PKD1L3: variants seen among roughly 807,000 people sequenced by gnomAD.
PKD1L3 encodes polycystin 1 like 3, transient receptor potential channel interacting, also known as polycystin-1-like protein 3.
PKD1L3 carries 239 observed loss-of-function variants against 184.1 expected under a neutral mutation model. The observed-to-expected ratio is 1.30, with a 90% CI of 1.17 to 1.45. The LOEUF is 1.45. PKD1L3 is among the 40% of genes most tolerant of loss of function. PKD1L3 has a pLI of 0.00. For synonymous variants in PKD1L3, 996 were observed against 778.8 expected, an observed-to-expected ratio of 1.28 and a Z score of -4.64; for missense variants, 2,660 against 2,067.2, an observed-to-expected ratio of 1.29 and a Z score of -5.56.
At chr16:71,954,388 G>T in intron 16 of PKD1L3, 87 bp from the exon 17 acceptor site, 2 of 1,041,394 alleles carry the variant, frequency 1.9e-6, no homozygotes, top group East Asian at 5.5e-5. Flanking sequence ...AGCAACAAGC[G>T]ACATAGCAAC....
At chr16:71,977,603 G>C (rs1400820198) in intron 10 of PKD1L3, 136 bp from the exon 11 acceptor site, 4 of 661,046 alleles carry the variant, frequency 6.1e-6, no homozygotes, top group African/African-American at 3.8e-5. Flanking sequence ...TGCTATGTTG[G>C]CCACGTTGGT....
intron 16 of PKD1L3, among the ~76,000 whole-genome samples, chr16:71,957,208 T>C (rs568410250): frequency 8.4e-4 from 128 of 152,272 alleles, no homozygotes; most frequent in African/African-American, 2.9e-3. Context: ...TGATGTCCTC[T>C]GGGAGATTCT....
intron 14 of PKD1L3, 51 bp downstream of exon 14, chr16:71,967,855 C>G: frequency 1.4e-6 from 2 of 1,435,576 alleles, no homozygotes; most frequent in Non-Finnish European, 1.9e-6. Flanking sequence ...CAGAGTGTGT[C>G]TCATGTGGCA....
chr16:71,980,264 G>A (rs2040098426), intron 7 of PKD1L3, 130 bp from the exon 8 acceptor site: 8 of 1,234,738 alleles, frequency 6.5e-6, no homozygotes, highest in South Asian at 6.3e-5. Context: ...TCCTTAGAGA[G>A]GACCTTGGAA....
intron 5 of PKD1L3, among the ~76,000 whole-genome samples, chr16:71,984,723 G>C (rs923762442): frequency 6.6e-6 from 1 of 152,154 alleles, no homozygotes; most frequent in African/African-American, 2.4e-5. Flanking sequence ...ACCAGGCTTG[G>C]TGGTGTACAC....
At position 71,929,788 on chromosome 16, in the gene PKD1L3, A is replaced by G. The variant is rs2042412; in HGVS notation, c.5059-110T>C. The stretch of plus-strand genomic sequence containing the variant: ...AAAAATTAGTAAATGTAAAGATACT[A>G]TTTCTTTAATAATTTGCAGTCAGGC... On this transcript the variant is annotated intron_variant, in intron 29 of 29. Coordinates refer to ENST00000620267, the MANE Select transcript of PKD1L3 (RefSeq NM_181536.2). 978 of 1,143,238 alleles carry G rather than the reference A, an allele frequency of 8.6e-4. 24 individuals carry two copies. In the Admixed American group the frequency reaches 0.021, roughly 24 times the overall value. 70.8% of individuals were successfully genotyped at this position (1,143,238 alleles called of 1,614,324 possible).
chr16:71,929,600 A>G lies in PKD1L3; in HGVS notation c.5137T>C (p.Ser1713Pro). ...ACTGCTGTCGTGGCTGCTTGCTCAG[A>G]TGAGGTTTTTTGGGGCCAACTGATT... ...LGISWPQKTS[S>P]EQAATTAVGS... The change falls in exon 30 of 30, where the codon TCT (serine) becomes CCT (proline). Residue 1713 changes from serine to proline, a missense_variant. By Grantham distance (74) the Ser-to-Pro change is moderately conservative. Transcript: ENST00000620267. 1 of 1,551,848 alleles carries G rather than the reference A, an allele frequency of 6.4e-7. No homozygotes were observed. Among genetic ancestry groups the G allele is most frequent in the Non-Finnish European group, 8.7e-7 (1 of 1,147,018 alleles).
chr16:71,980,289 C>T (rs1256684349), intron 7 of PKD1L3, among the ~76,000 whole-genome samples, 155 bp from the exon 8 acceptor site: 2 of 152,106 alleles, frequency 1.3e-5, no homozygotes, highest in Non-Finnish European at 2.9e-5. Flanking sequence ...ACAGAAAGTA[C>T]TTGCAACCTG....
rs2143418830 is a variant in PKD1L3, at chr16:71,954,252, A to G, written c.2662T>C (p.Trp888Arg). The change falls in exon 17 of 30, where the codon TGG (tryptophan) becomes CGG (arginine). Residue 888 changes from tryptophan (W) to arginine (R), a missense_variant. By Grantham distance (101) the Trp-to-Arg change is moderately radical. Transcript: ENST00000620267. ...GGATGCCGAGTTGCAATTGAAAGCC[A>G]CAGATAATCCTGGGTGAACTTTTCC... The part of the protein sequence containing the change: ...IVEKFTQDYL[W>R]LSIATRHPWN... 2 of 1,550,076 alleles carry G rather than the reference A, an allele frequency of 1.3e-6. No individual in the cohort carries two copies. The highest frequency in any genetic ancestry group is 1.7e-6 in the Non-Finnish European group (2 of 1,146,346).
At position 71,993,306 on chromosome 16, in the gene PKD1L3, A is replaced by G. The variant is rs1341358356; in HGVS notation, c.445T>C (p.Tyr149His). The change falls in exon 3 of 30, where the codon TAT becomes CAT. Residue 149 changes from tyrosine to histidine, a missense_variant. Tyr to His is a moderately conservative substitution (Grantham distance 83). Coordinates refer to ENST00000620267, the MANE Select transcript of PKD1L3 (RefSeq NM_181536.2). ...TGDFLDGDAH[Y>H]ERNGNNSHLY... ...TGGGAATTATTTCCATTTCTTTCAT[A>G]ATGGGCATCTCCGTCCAAAAAGTCA... 6.5e-7 allele frequency: 1 copy of G among 1,549,184 alleles called. No individual in the cohort carries two copies. Among genetic ancestry groups the G allele is most frequent in the Admixed American group, 2.0e-5 (1 of 50,480 alleles).
Position 71,935,370 on chromosome 16 carries a change from T to C in PKD1L3, c.4601A>G (p.Asp1534Gly), listed in dbSNP as rs2143141927. 6.4e-7 allele frequency: 1 copy of C among 1,551,668 alleles called. No homozygotes were observed. The highest frequency in any genetic ancestry group is 8.7e-7 in the Non-Finnish European group (1 of 1,146,948). ...GGCTTCCTCTCACCTGTCCTGGTCA[T>C]CGCGGTATCGTGCCATGTTTTTCTT... Reference protein sequence around the residue: ...LHKKNMARYRDDQDRFISFYE... With the variant: ...LHKKNMARYRGDQDRFISFYE... The change falls in exon 26 of 30, where the codon GAT (aspartate) becomes GGT (glycine). Residue 1534 changes from aspartate to glycine, a missense_variant. Asp to Gly is a moderately conservative substitution (Grantham distance 94). Transcript: ENST00000620267.
chr16:71,990,790 G>A lies in PKD1L3; in HGVS notation c.536-461C>T, dbSNP rs978488774. Reference sequence around the variant, plus strand: ...AAGGAAAAGACAAAAGGGAACCTATGATGATCACTCGAGGACCTGGGAATG... The same window carrying A: ...AAGGAAAAGACAAAAGGGAACCTATAATGATCACTCGAGGACCTGGGAATG... On this transcript the variant is annotated intron_variant, in intron 3 of 29. Coordinates refer to ENST00000620267, the MANE Select transcript of PKD1L3 (RefSeq NM_181536.2). 5.9e-5 allele frequency among the ~76,000 whole-genome samples: 9 copies of A among 151,508 alleles called. No individual in the cohort carries two copies. The South Asian group carries it at 1.0e-3, about 18-fold the overall frequency.
At chr16:71,940,024 C>T (rs1567492289) in intron 24 of PKD1L3, among the ~76,000 whole-genome samples, 2 of 152,246 alleles carry the variant, frequency 1.3e-5, no homozygotes, top group South Asian at 4.2e-4. Context: ...CTAATTCTAA[C>T]CAAGAAACCT....
At chr16:71,952,572 C>T (rs1382367530) in intron 18 of PKD1L3, among the ~76,000 whole-genome samples, 6 of 25,990 alleles carry the variant, frequency 2.3e-4, no homozygotes, top group Non-Finnish European at 5.5e-4. Flanking sequence ...CGGTGGCTTA[C>T]GCCTGAAATC....
intron 11 of PKD1L3, among the ~76,000 whole-genome samples, chr16:71,975,328 C>T (rs770961739): frequency 4.6e-5 from 7 of 151,408 alleles, no homozygotes; most frequent in African/African-American, 1.5e-4. Context: ...AAAGTGCTGG[C>T]GTTACAGGGG....
chr16:71,990,731 C>T (rs2040557444), intron 3 of PKD1L3, among the ~76,000 whole-genome samples: 1 of 151,748 alleles, frequency 6.6e-6, no homozygotes, highest in African/African-American at 2.4e-5. Flanking sequence ...TAGATTCCAC[C>T]CCCACCCCCT....
chr16:71,976,264 C>CTTTTTTTTTTTTTTT (rs71153688), intron 11 of PKD1L3, among the ~76,000 whole-genome samples: 9,847 of 81,114 alleles, frequency 0.12, 2,364 homozygotes, highest in Non-Finnish European at 0.17. Context: ...CCCAGCCTGT[C>CTTTTTTTTTTTTTTT]TTTTTTTTTT....
intron 6 of PKD1L3, among the ~76,000 whole-genome samples, chr16:71,983,659 C>CTCTTTTTTTTTT: frequency 1.1e-5 from 1 of 92,434 alleles, no homozygotes; most frequent in South Asian, 4.2e-4. Context: ...TCCAGATTCT[C>CTCTTTTTTTTTT]TTTCTTTTTT....
At chr16:71,988,155 G>C (rs1478243724) in intron 4 of PKD1L3, among the ~76,000 whole-genome samples, 3 of 152,144 alleles carry the variant, frequency 2.0e-5, no homozygotes, top group African/African-American at 4.8e-5. Context: ...GGCAACAGTA[G>C]AAGCAGATCA....
Sources: gnomAD v4.1 joint callset for allele counts (sites outside exome capture counted in the v4.1 genomes callset) on GRCh38, gnomAD v4.1.1 for gene constraint, MANE v1.5 for transcripts, NCBI Gene and HGNC (gene_info 2026-07-23, HGNC 2026-07-21) for gene names.